The following SSH2 variants were observed in gnomAD, a reference collection of about 807,000 sequenced individuals.
SSH2 encodes the protein protein phosphatase Slingshot homolog 2.
SSH2 carries 37 observed loss-of-function variants against 135.2 expected under a neutral mutation model. That is an observed-to-expected ratio of 0.27 (90% confidence interval 0.21 to 0.36). SSH2 has a LOEUF of 0.36. Ranked by LOEUF, SSH2 falls within the 10% of genes least tolerant of loss-of-function variation. SSH2 has a pLI of 1.00. For synonymous variants in SSH2, 628 were observed against 646.2 expected, an observed-to-expected ratio of 0.97 and a Z score of 0.43; for missense variants, 1,408 against 1,765.3, an observed-to-expected ratio of 0.80 and a Z score of 3.63.
intron 1 of SSH2, among the ~76,000 whole-genome samples, chr17:29,905,770 G>T (rs149154242): frequency 2.0e-5 from 3 of 152,264 alleles, no homozygotes; most frequent in Non-Finnish European, 2.9e-5. Flanking sequence ...AGTGGAAACT[G>T]GTGCCTTTCT....
rs1463787213 is a variant in SSH2 at position 29,894,168 on chromosome 17, GAAT to G, written c.63+35767_63+35769del. 3.3e-5 allele frequency among the ~76,000 whole-genome samples: 5 copies of G among 152,096 alleles called. No homozygotes were observed. The East Asian group carries it at 5.8e-4, about 18-fold the overall frequency. ...CTTGGTTTCTTAATTTATAAAATGAGAATAATAATAATTCCTAAGTACTAAATG... is the reference window on the plus strand; with the variant it reads ...CTTGGTTTCTTAATTTATAAAATGAGAATAATAATTCCTAAGTACTAAATG... On this transcript the variant is annotated intron_variant, in intron 1 of 15. Coordinates refer to ENST00000540801, the MANE Select transcript of SSH2 (RefSeq NM_001282129.2).
intron 1 of SSH2, among the ~76,000 whole-genome samples, 189 bp from the exon 2 acceptor site, chr17:29,849,118 T>G (rs2151387483): frequency 6.6e-6 from 1 of 152,216 alleles, no homozygotes; most frequent in East Asian, 1.9e-4. Flanking sequence ...GAGGAATGCT[T>G]GATCAACTGA....
chr17:29,849,950 A>G (rs895871841), intron 1 of SSH2, among the ~76,000 whole-genome samples: 1 of 147,158 alleles, frequency 6.8e-6, no homozygotes, highest in Non-Finnish European at 1.5e-5. Context: ...GAATCGCATG[A>G]ACCCAGGGGG....
chr17:29,702,667 C>T (rs1449866637), intron 4 of SSH2, among the ~76,000 whole-genome samples: 1 of 151,896 alleles, frequency 6.6e-6, no homozygotes, highest in Non-Finnish European at 1.5e-5. Flanking sequence ...AAAAACAAAA[C>T]AAAACAAAAC....
intron 1 of SSH2, among the ~76,000 whole-genome samples, chr17:29,900,917 G>A (rs1302020902): frequency 6.6e-6 from 1 of 152,072 alleles, no homozygotes; most frequent in Admixed American, 6.6e-5. Context: ...AAGAAAATGT[G>A]GCATATATAC....
intron 2 of SSH2, among the ~76,000 whole-genome samples, chr17:29,822,404 T>C (rs959598850): frequency 6.0e-5 from 9 of 150,972 alleles, no homozygotes; most frequent in Non-Finnish European, 8.9e-5. Context: ...CTCCGTCACC[T>C]AGGCTGGGGT....
chr17:29,648,363 G>A lies in SSH2; in HGVS notation c.1227-19C>T, dbSNP rs1427729538. On this transcript the variant is annotated intron_variant, in intron 13 of 15. Transcript: ENST00000540801. ...ATGTTTCCTTGTTTGGGGGATTGAG[G>A]TAAAGAATAGAGGAAAATACAATAG... 1 of 1,581,484 alleles carries A rather than the reference G, an allele frequency of 6.3e-7. No individual in the cohort carries two copies. The highest frequency in any genetic ancestry group is 8.6e-7 in the Non-Finnish European group (1 of 1,162,158).
chr17:29,845,773 T>C (rs1297669347), intron 2 of SSH2, among the ~76,000 whole-genome samples: 2 of 152,270 alleles, frequency 1.3e-5, no homozygotes, highest in Middle Eastern at 3.4e-3. Context: ...TTTCCCAGGC[T>C]GCTCTTGAAC....
At chr17:29,670,504 A>G (rs894019713) in intron 9 of SSH2, among the ~76,000 whole-genome samples, 4 of 152,198 alleles carry the variant, frequency 2.6e-5, no homozygotes, top group African/African-American at 9.6e-5. Context: ...TCTAGTAAAG[A>G]GCATTTTTTA....
intron 3 of SSH2, among the ~76,000 whole-genome samples, chr17:29,770,393 G>C (rs2041555868): frequency 6.6e-6 from 1 of 151,820 alleles, no homozygotes. Context: ...ACAGGCGTGG[G>C]CCACCTTGCC....
intron 11 of SSH2, 79 bp downstream of exon 11, chr17:29,666,788 A>C (rs1173128164): frequency 7.3e-7 from 1 of 1,368,118 alleles, no homozygotes. Flanking sequence ...TATGTATAAT[A>C]AAATTTAATA....
At chr17:29,907,871 G>C (rs1408393016) in intron 1 of SSH2, among the ~76,000 whole-genome samples, 1 of 148,454 alleles carries the variant, frequency 6.7e-6, no homozygotes, top group Non-Finnish European at 1.5e-5. Flanking sequence ...CAGGATCTGG[G>C]TTTCAGTGGT....
intron 3 of SSH2, among the ~76,000 whole-genome samples, chr17:29,783,318 TTATATATATA>T (rs372884691): frequency 9.1e-5 from 13 of 142,126 alleles, no homozygotes; most frequent in African/African-American, 3.3e-4. Flanking sequence ...ATAACATATA[TTATATATATA>T]TATATATATG....
intron 4 of SSH2, among the ~76,000 whole-genome samples, chr17:29,696,271 C>T (rs990801752): frequency 6.7e-6 from 1 of 149,050 alleles, no homozygotes; most frequent in Non-Finnish European, 1.5e-5. Flanking sequence ...TATATATACA[C>T]ACACACGTAT....
intron 1 of SSH2, among the ~76,000 whole-genome samples, chr17:29,884,465 T>C (rs1038668239): frequency 2.6e-5 from 4 of 152,208 alleles, no homozygotes; most frequent in Admixed American, 2.6e-4. Flanking sequence ...CCTTGAGTGA[T>C]GTCATCTCTC....
chr17:29,770,112 T>TG (rs2041544855), intron 3 of SSH2, among the ~76,000 whole-genome samples: 1 of 148,890 alleles, frequency 6.7e-6, no homozygotes, highest in Admixed American at 6.7e-5. Flanking sequence ...TTTTTTTTTT[T>TG]TTTTTTTAAC....
intron 3 of SSH2, among the ~76,000 whole-genome samples, chr17:29,724,453 G>C (rs2039921560): frequency 6.7e-6 from 1 of 148,712 alleles, no homozygotes; most frequent in African/African-American, 2.5e-5. Flanking sequence ...ACTTGAACCC[G>C]GGAGGCGGAG....
At chr17:29,835,630 T>A (rs751484520) in intron 2 of SSH2, among the ~76,000 whole-genome samples, 1 of 152,152 alleles carries the variant, frequency 6.6e-6, no homozygotes, top group African/African-American at 2.4e-5. Flanking sequence ...TCATGCATGA[T>A]AGGAGGGCAC....
intron 3 of SSH2, among the ~76,000 whole-genome samples, chr17:29,741,176 G>T (rs1032710017): frequency 2.0e-5 from 3 of 152,170 alleles, no homozygotes; most frequent in Non-Finnish European, 4.4e-5. Context: ...TGAACTGAAA[G>T]AATCATATTT....
Sources: gnomAD v4.1 joint callset for allele counts (sites outside exome capture counted in the v4.1 genomes callset) on GRCh38, gnomAD v4.1.1 for gene constraint, MANE v1.5 for transcripts, NCBI Gene and HGNC (gene_info 2026-07-23, HGNC 2026-07-21) for gene names.